Variants in GOLGA1 observed in about 807,000 individuals in gnomAD.
GOLGA1 encodes golgin A1.
In GOLGA1, 63 loss-of-function variants were observed where a neutral mutation model predicts 119.7. The observed-to-expected ratio is 0.53, with a 90% CI of 0.43 to 0.65. The LOEUF is 0.65. GOLGA1 is among the 30% of genes least tolerant of loss of function. GOLGA1 has a pLI of 0.00. For synonymous variants in GOLGA1, 318 were observed against 333.4 expected (o/e 0.95, Z 0.50); for missense variants, 798 against 912.8 (o/e 0.87, Z 1.62).
intron 15 of GOLGA1, among the ~76,000 whole-genome samples, chr9:124,896,476 C>T (rs1384002951): frequency 6.6e-6 from 1 of 152,218 alleles, no homozygotes; most frequent in Non-Finnish European, 1.5e-5. Context: ...GATCTGAATA[C>T]TTCTTCCCAA....
rs1292087910 is a variant in GOLGA1, at chr9:124,881,846, C to T, written c.2074G>A (p.Glu692Lys). 14 of 1,613,150 alleles carry T rather than the reference C, an allele frequency of 8.7e-6. No homozygotes were observed. The highest frequency in any genetic ancestry group is 1.7e-4 in the Middle Eastern group (1 of 6,060). ...TNNTDLTDAREINFEYLKHVV... is the reference protein window; with the variant it reads ...TNNTDLTDARKINFEYLKHVV... ...TGTTTAAGGTACTCAAAGTTGATCT[C>T]GCGGGCATCTGTCAGGTCAGTGTTA... The change falls in exon 21 of 23, where the codon GAG (glutamate) becomes AAG (lysine). Residue 692 changes from glutamate (E) to lysine (K), a missense_variant. Transcript: ENST00000373555. The surrounding 1 kb of genome is among the most constrained non-coding windows in gnomAD (Gnocchi z 4.9).
chr9:124,916,151 G>T (rs1346694441), intron 10 of GOLGA1, among the ~76,000 whole-genome samples: 2 of 145,634 alleles, frequency 1.4e-5, no homozygotes, highest in Non-Finnish European at 3.0e-5. Flanking sequence ...ACTTATTTAA[G>T]TAAAAAAAAA....
chr9:124,912,833 T>A (rs1588081118), intron 10 of GOLGA1, among the ~76,000 whole-genome samples: 1 of 151,712 alleles, frequency 6.6e-6, no homozygotes, highest in African/African-American at 2.4e-5. Context: ...TAAGCCACTG[T>A]GCCTGGCCAG....
At chr9:124,896,005 A>C (rs1307876018) in intron 15 of GOLGA1, among the ~76,000 whole-genome samples, 1 of 152,286 alleles carries the variant, frequency 6.6e-6, no homozygotes, top group African/African-American at 2.4e-5. Context: ...TCTACAACAG[A>C]GAACCATCCG....
At chr9:124,918,537 G>A (rs1830496531) in intron 10 of GOLGA1, among the ~76,000 whole-genome samples, 1 of 152,150 alleles carries the variant, frequency 6.6e-6, no homozygotes, top group African/African-American at 2.4e-5. Context: ...GCCGAGGTGG[G>A]CAGATCACTT....
intron 6 of GOLGA1, among the ~76,000 whole-genome samples, chr9:124,927,464 C>T (rs1430169450): frequency 6.6e-6 from 1 of 152,100 alleles, no homozygotes; most frequent in Non-Finnish European, 1.5e-5. Flanking sequence ...GATGAACAGA[C>T]ACTTTAAAAC....
intron 15 of GOLGA1, among the ~76,000 whole-genome samples, chr9:124,897,772 A>G (rs2131402418): frequency 6.6e-6 from 1 of 152,328 alleles, no homozygotes; most frequent in Admixed American, 6.5e-5. Context: ...ATGCTACTAC[A>G]TTAGTACCTA....
At chr9:124,903,065 A>G (rs1403460368) in intron 12 of GOLGA1, among the ~76,000 whole-genome samples, 1 of 152,206 alleles carries the variant, frequency 6.6e-6, no homozygotes, top group Non-Finnish European at 1.5e-5. Flanking sequence ...TCACCCTGCA[A>G]TTTTATTCCT....
intron 3 of GOLGA1, among the ~76,000 whole-genome samples, chr9:124,936,911 G>T (rs1286199328): frequency 1.3e-5 from 2 of 152,240 alleles, no homozygotes; most frequent in East Asian, 3.9e-4. Flanking sequence ...ATAATAAATT[G>T]TTTATGAATA....
Position 124,889,297 on chromosome 9 carries a change from T to C in GOLGA1, c.1607A>G (p.Asn536Ser), listed in dbSNP as rs372990641. The change falls in exon 18 of 23, where the codon AAC (asparagine) becomes AGC (serine). Residue 536 changes from asparagine (N) to serine (S), a missense_variant. Asn to Ser is a conservative substitution (Grantham distance 46, BLOSUM62 1). Coordinates refer to ENST00000373555, the MANE Select transcript of GOLGA1 (RefSeq NM_002077.4). ...CTGGTGTATCTGCAGCAGGGCAGAG[T>C]TGTGACCTAGGTCGGGGAGGAGGGG... is the stretch of plus-strand genomic sequence containing the variant. ...QEILQLERGH[N>S]SALLQIHQLQ... 10 of 1,613,186 alleles carry C rather than the reference T, an allele frequency of 6.2e-6. No homozygotes were observed. Among genetic ancestry groups the C allele is most frequent in the South Asian group, 1.1e-5 (1 of 90,994 alleles).
intron 10 of GOLGA1, 25 bp downstream of exon 10, chr9:124,921,104 G>A: frequency 3.1e-6 from 4 of 1,297,338 alleles, no homozygotes; most frequent in Non-Finnish European, 4.5e-6. Flanking sequence ...TAGAAATCCA[G>A]GTCTTCTCCT....
At chr9:124,924,640 A>G in intron 7 of GOLGA1, among the ~76,000 whole-genome samples, 1 of 150,786 alleles carries the variant, frequency 6.6e-6, no homozygotes, top group Non-Finnish European at 1.5e-5. Context: ...CTGTCTCAAA[A>G]AAAAAAAAAA....
At chr9:124,916,097 A>G (rs1306519148) in intron 10 of GOLGA1, among the ~76,000 whole-genome samples, 1 of 141,980 alleles carries the variant, frequency 7.0e-6, no homozygotes, top group African/African-American at 2.5e-5. Flanking sequence ...GCAAGACTGT[A>G]TCTCTAAATA....
rs1327737415 is a variant in GOLGA1 at position 124,923,025 on chromosome 9, G to C, written c.561+70C>G. 4 of 985,902 alleles carry C rather than the reference G, an allele frequency of 4.1e-6. No homozygotes were observed. The South Asian group carries it at 5.6e-5, about 14-fold the overall frequency. The allele number at this position is 985,902 out of a possible 1,614,324, so 61.1% of individuals were successfully genotyped here. A position where few individuals can be genotyped will look rare whatever the true frequency, so the allele number is the denominator to read the frequency against. ...GTGTATGTTTATCAGCAATTAGAGA[G>C]TGATGACTAGTAAAATCAGAGTGAA... On this transcript the variant is annotated intron_variant, in intron 8 of 22. Transcript: ENST00000373555.
intron 12 of GOLGA1, among the ~76,000 whole-genome samples, chr9:124,906,518 G>A (rs1830236137): frequency 6.6e-6 from 1 of 152,120 alleles, no homozygotes; most frequent in East Asian, 1.9e-4. Flanking sequence ...GGGAGGCCAA[G>A]GCAGGCGGAT....
At chr9:124,936,730 C>T (rs1163621185) in intron 3 of GOLGA1, among the ~76,000 whole-genome samples, 2 of 152,130 alleles carry the variant, frequency 1.3e-5, no homozygotes, top group African/African-American at 2.4e-5. Flanking sequence ...GGATTACAGG[C>T]GTGAGCTTCT....
At chr9:124,894,822 T>C (rs1829927489) in intron 15 of GOLGA1, among the ~76,000 whole-genome samples, 1 of 152,170 alleles carries the variant, frequency 6.6e-6, no homozygotes, top group African/African-American at 2.4e-5. Context: ...GGGTAGATGC[T>C]CCTAAGCATC....
At chr9:124,912,793 C>T (rs965183266) in intron 10 of GOLGA1, among the ~76,000 whole-genome samples, 2 of 152,184 alleles carry the variant, frequency 1.3e-5, no homozygotes, top group African/African-American at 4.8e-5. Context: ...CCACTAGCCT[C>T]GGCCTCCCAA....
chr9:124,941,084 G>C (rs1009575665), upstream of GOLGA1: 3 of 152,216 alleles, frequency 2.0e-5, no homozygotes, highest in East Asian at 3.9e-4. Context: ...ACCCGGAACC[G>C]CACGTCTCCC....
Sources: allele counts gnomAD v4.1 joint callset (sites outside exome capture counted in the v4.1 genomes callset), GRCh38; gene constraint gnomAD v4.1.1; non-coding constraint Gnocchi (gnomAD v3.1); transcripts MANE v1.5; gene names NCBI Gene and HGNC (gene_info 2026-07-23, HGNC 2026-07-21).